FOCAD: variants seen among roughly 807,000 people sequenced by gnomAD.
FOCAD encodes focadhesin, also known as KIAA1797.
FOCAD carries 198 observed loss-of-function variants against 225.6 expected under a neutral mutation model. The ratio of observed to expected loss-of-function variants is 0.88; its 90% CI spans 0.78 to 0.99. FOCAD has a LOEUF of 0.99. Ranked by LOEUF, FOCAD falls within the 50% of genes least tolerant of loss-of-function variation. The probability of loss-of-function intolerance (pLI) is 0.00; values close to 1 mark genes in which losing one functional copy is unlikely to be tolerated. For missense variants in FOCAD, 2,713 were observed against 2,123.6 expected (o/e 1.28, Z -5.46); for synonymous variants, 897 against 755.0 (o/e 1.19, Z -3.08).
At chr9:20,728,212 C>T (rs1826371923) in intron 4 of FOCAD, among the ~76,000 whole-genome samples, 1 of 152,002 alleles carries the variant, frequency 6.6e-6, no homozygotes, top group African/African-American at 2.4e-5. Context: ...GCTAACTATC[C>T]CCTGTCTGAA....
intron 37 of FOCAD, among the ~76,000 whole-genome samples, chr9:20,980,673 C>T (rs1840614579): frequency 6.6e-6 from 1 of 152,088 alleles, no homozygotes; most frequent in African/African-American, 2.4e-5. Flanking sequence ...CTTGAAAAAA[C>T]AAAAATAGCA....
chr9:20,683,710 G>C (rs1200990113), upstream of FOCAD, among the ~76,000 whole-genome samples: 1 of 152,134 alleles, frequency 6.6e-6, no homozygotes, highest in African/African-American at 2.4e-5. Context: ...GTGGCGTGGA[G>C]AGCTGCAGTG....
intron 4 of FOCAD, among the ~76,000 whole-genome samples, chr9:20,723,084 C>T (rs1239116300): frequency 6.6e-6 from 1 of 152,136 alleles, no homozygotes; most frequent in African/African-American, 2.4e-5. Context: ...AGTATTAATT[C>T]TTCCTCCCTA....
Position 20,715,350 on chromosome 9 carries a change from A to G in FOCAD, c.-4A>G, listed in dbSNP as rs752087459. ...CTGCACACATACATGTAAGAGAAGC[A>G]AAAATGTCAGATGATATCAGGAAAA... is the stretch of plus-strand genomic sequence containing the variant. On this transcript the variant is annotated 5_prime_UTR_variant, in exon 2 of 44. Transcript: ENST00000338382. 6.6e-7 allele frequency: 1 copy of G among 1,519,386 alleles called. No homozygotes were observed. Among genetic ancestry groups the G allele is most frequent in the Non-Finnish European group, 8.9e-7 (1 of 1,126,044 alleles). 94.1% of individuals were successfully genotyped at this position (1,519,386 alleles called of 1,614,324 possible). A position where few individuals can be genotyped will look rare whatever the true frequency, so the allele number is the denominator to read the frequency against.
chr9:20,700,468 G>A (rs1037889609), intron 1 of FOCAD, among the ~76,000 whole-genome samples: 3 of 150,010 alleles, frequency 2.0e-5, no homozygotes, highest in African/African-American at 7.4e-5. Flanking sequence ...AGATTCTGCT[G>A]ATTTTGGATT....
intron 2 of FOCAD, among the ~76,000 whole-genome samples, chr9:20,716,471 C>G (rs1197416472): frequency 1.3e-5 from 2 of 152,044 alleles, no homozygotes; most frequent in Admixed American, 6.5e-5. Flanking sequence ...GCTAGTATCT[C>G]TGATTTGTTA....
chr9:20,946,932 C>A, intron 30 of FOCAD, 112 bp downstream of exon 30: 1 of 1,328,684 alleles, frequency 7.5e-7, no homozygotes, highest in Non-Finnish European at 1.0e-6. Context: ...ATGTCTAGAA[C>A]TGAGGAACTT....
intron 35 of FOCAD, among the ~76,000 whole-genome samples, chr9:20,971,237 A>G (rs1208137923): frequency 1.3e-5 from 2 of 152,246 alleles, no homozygotes; most frequent in South Asian, 2.1e-4. Context: ...AAAATATCTC[A>G]TGTGCCCCAT....
chr9:20,906,323 C>G (rs768520076), intron 21 of FOCAD, among the ~76,000 whole-genome samples: 4 of 151,882 alleles, frequency 2.6e-5, no homozygotes, highest in Non-Finnish European at 5.9e-5. Context: ...TTCTCTCTCA[C>G]TCTCTCTCTT....
intron 15 of FOCAD, among the ~76,000 whole-genome samples, chr9:20,826,030 A>G (rs10964730): frequency 0.12 from 18,646 of 152,058 alleles, 1,540 homozygotes; most frequent in East Asian, 0.29. Context: ...TGATTTGGGA[A>G]TTTACAAGTT....
At chr9:20,771,013 A>G (rs947555925) in intron 8 of FOCAD, among the ~76,000 whole-genome samples, 1 of 152,208 alleles carries the variant, frequency 6.6e-6, no homozygotes, top group African/African-American at 2.4e-5. Flanking sequence ...AAAGGATTTT[A>G]TGGGAGTATA....
intron 37 of FOCAD, among the ~76,000 whole-genome samples, chr9:20,979,474 G>T (rs1027503404): frequency 1.3e-5 from 2 of 152,112 alleles, no homozygotes; most frequent in Non-Finnish European, 2.9e-5. Flanking sequence ...AAGTAGCTGG[G>T]ACTATAGGTG....
Position 20,821,996 on chromosome 9 carries a change from T to TAA in FOCAD, c.1793+951_1793+952dup, listed in dbSNP as rs58640962. On this transcript the variant is annotated intron_variant, in intron 14 of 43. Transcript: ENST00000338382. ...AAAATGACCTCAATGTAAAAGTTAC[T>TAA]AAAAAAAAAAAAAAAAAAAAAAAAA... 8.3e-4 allele frequency among the ~76,000 whole-genome samples: 41 copies of TAA among 49,330 alleles called. 2 individuals carry two copies. Among genetic ancestry groups the TAA allele is most frequent in the South Asian group, 2.1e-3 (2 of 958 alleles). 32.4% of individuals were successfully genotyped at this position (49,330 alleles called of 152,430 possible). A position where few individuals can be genotyped will look rare whatever the true frequency, so the allele number is the denominator to read the frequency against.
chr9:20,789,449 T>C lies in FOCAD; in HGVS notation c.1296T>C (p.Ser432=), dbSNP rs936391143. 8.1e-6 allele frequency: 13 copies of C among 1,613,946 alleles called. No individual in the cohort carries two copies. In the Admixed American group the frequency reaches 8.3e-5, roughly 10 times the overall value. Residue 432 remains serine (S), a synonymous_variant, in exon 11 of 44, where the codon AGT becomes AGC. Transcript: ENST00000338382. ...TAATGACAGACTCGTCTGCTGCAAG[T>C]GACTGGTTGGCTTCAGTAGAGTCAT... ...LEVMTDSSAA[S]DWLASVESLL...
In FOCAD at chr9:20,924,910, C is replaced by T. The variant is rs541011304; in HGVS notation, c.2961+1142C>T. On this transcript the variant is annotated intron_variant, in intron 25 of 43. Transcript: ENST00000338382. The stretch of plus-strand genomic sequence containing the variant: ...CTCATGTCACTTAAAATTCAGAGTC[C>T]TTTGGGTCCTAGGCCTACCCCTTGG... Among the ~76,000 whole-genome samples, 3 of 152,222 alleles carry T rather than the reference C, an allele frequency of 2.0e-5. No individual in the cohort carries two copies. In the South Asian group the frequency reaches 6.2e-4, roughly 32 times the overall value.
In FOCAD at chr9:20,874,721, A is replaced by G. The variant is rs1564098816; in HGVS notation, c.2231A>G (p.Asp744Gly). Residue 744 changes from aspartate to glycine, a missense_variant, in exon 19 of 44, where the codon GAT (aspartate) becomes GGT (glycine). Coordinates refer to ENST00000338382, the MANE Select transcript of FOCAD (RefSeq NM_001375567.1). ...CCCATTCCTGAAGAGTTAGATGACG[A>G]TGAAGATGTTGAGGATGTGGATCTT... ...EIPIPEELDDDEDVEDVDLSV... is the reference protein window; with the variant it reads ...EIPIPEELDDGEDVEDVDLSV... 1 of 1,613,596 alleles carries G rather than the reference A, an allele frequency of 6.2e-7. No homozygotes were observed. Among genetic ancestry groups the G allele is most frequent in the African/African-American group, 1.3e-5 (1 of 75,002 alleles).
chr9:20,810,104 A>G (rs1822892805), intron 11 of FOCAD, among the ~76,000 whole-genome samples: 1 of 152,130 alleles, frequency 6.6e-6, no homozygotes, highest in Non-Finnish European at 1.5e-5. Flanking sequence ...AACAAAGGAA[A>G]AGGTTCATGA....
intron 15 of FOCAD, among the ~76,000 whole-genome samples, chr9:20,824,895 T>G (rs1031199988): frequency 1.3e-5 from 2 of 152,152 alleles, no homozygotes; most frequent in Non-Finnish European, 1.5e-5. Flanking sequence ...CGATGCTTAC[T>G]AAAGCAAACT....
At chr9:20,979,285 T>C (rs975225762) in intron 37 of FOCAD, among the ~76,000 whole-genome samples, 3 of 152,204 alleles carry the variant, frequency 2.0e-5, no homozygotes, top group Non-Finnish European at 2.9e-5. Flanking sequence ...TGCAAAGCCC[T>C]CTTATCATTT....
Sources: allele counts gnomAD v4.1 joint callset (sites outside exome capture counted in the v4.1 genomes callset), GRCh38; gene constraint gnomAD v4.1.1; transcripts MANE v1.5; gene names NCBI Gene and HGNC (gene_info 2026-07-23, HGNC 2026-07-21).